The following TENT4B variants were observed in gnomAD, a reference collection of about 807,000 sequenced individuals.
TENT4B encodes the protein PAP associated domain containing 5.
In TENT4B, 10 loss-of-function variants were observed where a neutral mutation model predicts 75.0. The observed-to-expected ratio is 0.13, with a 90% CI of 0.08 to 0.23. The LOEUF (loss-of-function observed/expected upper bound fraction) is 0.23, where lower values mean the gene tolerates loss of function less well. Ranked by LOEUF, TENT4B falls within the 10% of genes least tolerant of loss-of-function variation. The pLI is 1.00. For missense variants in TENT4B, 579 were observed against 893.8 expected (o/e 0.65, Z 4.49); for synonymous variants, 350 against 357.7 (o/e 0.98, Z 0.24).
chr16:50,167,182 AAAAT>A (rs2038117523), intron 1 of TENT4B, among the ~76,000 whole-genome samples: 1 of 152,164 alleles, frequency 6.6e-6, no homozygotes. Context: ...GGCCACACAT[AAAAT>A]ACACTAACAG....
Position 50,206,908 on chromosome 16 carries a change from T to TG in TENT4B, c.639-4414dup, listed in dbSNP as rs1389503963. On this transcript the variant is annotated intron_variant, in intron 1 of 11. Transcript: ENST00000561678. ...CAGATCTTTCCTCAGAACAGAAGTT[T>TG]GTTTTTTTTTTTTAACCTAAATTAC... Among the ~76,000 whole-genome samples the TG allele has an allele frequency of 1.0e-3, 12 of 11,898 alleles. No homozygotes were observed. In the East Asian group the frequency reaches 0.011, roughly 11 times the overall value. The allele number at this position is 11,898 out of a possible 152,430, so 7.8% of individuals were successfully genotyped here.
At chr16:50,192,934 C>T (rs1249144947) in intron 1 of TENT4B, among the ~76,000 whole-genome samples, 1 of 152,076 alleles carries the variant, frequency 6.6e-6, no homozygotes, top group Non-Finnish European at 1.5e-5. Context: ...ATTAGCTGGG[C>T]ATGGTGTTAT....
chr16:50,220,261 T>C (rs1044453892), intron 5 of TENT4B, among the ~76,000 whole-genome samples: 5 of 152,036 alleles, frequency 3.3e-5, no homozygotes, highest in African/African-American at 1.2e-4. Context: ...GTGCTGGGAT[T>C]ACAGGCGTGA....
chr16:50,229,317 C>G lies in TENT4B; in HGVS notation c.2131C>G (p.Leu711Val), dbSNP rs775897113. Residue 711 changes from leucine to valine, a missense_variant, in exon 12 of 12, where the codon CTC (leucine) becomes GTC (valine). Leu to Val is a conservative substitution (Grantham distance 32). Coordinates refer to ENST00000561678, the MANE Select transcript of TENT4B (RefSeq NM_001365324.3). ...KHKRDAPLSD[L>V]CR is the part of the protein sequence containing the mutation. Reference sequence around the variant, plus strand: ...CAAGAGGGACGCGCCCCTCTCAGACCTCTGTAGATAGTCAGCGCTGCGCGG... The same window carrying G: ...CAAGAGGGACGCGCCCCTCTCAGACGTCTGTAGATAGTCAGCGCTGCGCGG... 7 of 1,612,490 alleles carry G rather than the reference C, an allele frequency of 4.3e-6. 1 individual carries two copies. Among genetic ancestry groups the G allele is most frequent in the Middle Eastern group, 1.7e-4 (1 of 6,032 alleles).
chr16:50,228,080 A>G, intron 11 of TENT4B, 77 bp downstream of exon 11: 1 of 1,512,090 alleles, frequency 6.6e-7, no homozygotes, highest in Non-Finnish European at 9.0e-7. Context: ...AATAATATGC[A>G]GCATGGGTTT....
At chr16:50,168,389 C>T (rs1304777835) in intron 1 of TENT4B, among the ~76,000 whole-genome samples, 1 of 151,832 alleles carries the variant, frequency 6.6e-6, no homozygotes, top group Non-Finnish European at 1.5e-5. Flanking sequence ...CAGCCTCTGC[C>T]TCCTGGTTTC....
intron 1 of TENT4B, among the ~76,000 whole-genome samples, chr16:50,164,889 C>CAA (rs1450126359): frequency 1.4e-5 from 2 of 142,068 alleles, no homozygotes. Flanking sequence ...CCGTCTCTAC[C>CAA]AAAAAAAAAA....
At chr16:50,198,749 G>A (rs1263742656) in intron 1 of TENT4B, among the ~76,000 whole-genome samples, 1 of 152,164 alleles carries the variant, frequency 6.6e-6, no homozygotes, top group Non-Finnish European at 1.5e-5. Flanking sequence ...GATGAGTTTG[G>A]AAGACGATTG....
At chr16:50,220,525 A>G (rs62028291) in intron 5 of TENT4B, among the ~76,000 whole-genome samples, 9,587 of 151,170 alleles carry the variant, frequency 0.063, 398 homozygotes, top group East Asian at 0.09. Flanking sequence ...TGACTTAACC[A>G]CCATGTTTTG....
intron 1 of TENT4B, among the ~76,000 whole-genome samples, chr16:50,183,112 C>T (rs982664764): frequency 1.3e-5 from 2 of 150,920 alleles, no homozygotes; most frequent in African/African-American, 2.4e-5. Flanking sequence ...GGCCCAATCT[C>T]GACTCACCGC....
At chr16:50,165,252 C>G (rs1164839675) in intron 1 of TENT4B, among the ~76,000 whole-genome samples, 1 of 150,744 alleles carries the variant, frequency 6.6e-6, no homozygotes, top group Non-Finnish European at 1.5e-5. Context: ...CTTAATTTAT[C>G]TTACCAATTT....
chr16:50,191,990 C>G (rs899678797), intron 1 of TENT4B, among the ~76,000 whole-genome samples: 4 of 152,064 alleles, frequency 2.6e-5, no homozygotes, highest in Non-Finnish European at 5.9e-5. Context: ...CGCTTGTAAT[C>G]CCAGTGCTTT....
chr16:50,199,086 GA>G (rs1714726801), intron 1 of TENT4B, among the ~76,000 whole-genome samples: 1 of 152,236 alleles, frequency 6.6e-6, no homozygotes, highest in Non-Finnish European at 1.5e-5. Context: ...TGTGCAGCCA[GA>G]GGAAAGGAGG....
At chr16:50,211,297 ATTAAC>A (rs1306450665) in intron 1 of TENT4B, 21 bp from the exon 2 acceptor site, 2 of 1,594,276 alleles carry the variant, frequency 1.3e-6, no homozygotes, top group Non-Finnish European at 1.7e-6. Flanking sequence ...CCCTGTTCAT[ATTAAC>A]TTTTCTGTTT....
Position 50,153,940 on chromosome 16 carries a change from G to A in TENT4B, c.319G>A (p.Glu107Lys), listed in dbSNP as rs1230844323. 2.0e-6 allele frequency: 3 copies of A among 1,533,596 alleles called. No individual in the cohort carries two copies. Among genetic ancestry groups the A allele is most frequent in the Admixed American group, 2.0e-5 (1 of 50,880 alleles). 95.0% of individuals were successfully genotyped at this position (1,533,596 alleles called of 1,614,324 possible). ...PAEQRDFLPL[E>K]TTNNNNNHHQ... ...GGAGCAGCGGGACTTCCTGCCCCTA[G>A]AGACGACCAACAACAACAACAACCA... Residue 107 changes from glutamate (E) to lysine (K), a missense_variant, in exon 1 of 12, where the codon GAG becomes AAG. Physicochemically the swap from Glu to Lys is moderately conservative, Grantham distance 56 (BLOSUM62 1). Around this residue, in one of 7 missense-constraint regions of TENT4B, gnomAD observed 253 missense variants for 270.1 expected, o/e 0.94. Transcript: ENST00000561678.
chr16:50,200,891 G>T (rs1461191825), intron 1 of TENT4B, among the ~76,000 whole-genome samples: 1 of 151,704 alleles, frequency 6.6e-6, no homozygotes, highest in South Asian at 2.1e-4. Context: ...ACTTCTCCCA[G>T]CCTCAAGCAA....
In TENT4B at chr16:50,171,502, G is replaced by T. The variant is rs74683046; in HGVS notation, c.638+17243G>T. Among the ~76,000 whole-genome samples the T allele has an allele frequency of 6.0e-3, 920 of 152,208 alleles. 9 individuals carry two copies. The highest frequency in any genetic ancestry group is 0.021 in the African/African-American group (884 of 41,504). On this transcript the variant is annotated intron_variant, in intron 1 of 11. Coordinates refer to ENST00000561678, the MANE Select transcript of TENT4B (RefSeq NM_001365324.3). ...GGATCACAGATGAGGGGGCTATTTC[G>T]TCCTAATAAGGGCCTTGGTCTCCCA...
intron 1 of TENT4B, among the ~76,000 whole-genome samples, chr16:50,166,444 T>TA (rs980791060): frequency 1.2e-4 from 19 of 152,346 alleles, no homozygotes; most frequent in African/African-American, 4.6e-4. Context: ...ATGAAGTAAG[T>TA]GTGTCATTTG....
chr16:50,196,361 G>C (rs1027726070), intron 1 of TENT4B, among the ~76,000 whole-genome samples: 1 of 151,868 alleles, frequency 6.6e-6, no homozygotes, highest in African/African-American at 2.4e-5. Context: ...TGAAAAAAAA[G>C]ATTTATTATA....
Sources: allele counts gnomAD v4.1 joint callset (sites outside exome capture counted in the v4.1 genomes callset), GRCh38; gene constraint gnomAD v4.1.1; regional missense constraint gnomAD v4.1.1; transcripts MANE v1.5; gene names NCBI Gene and HGNC (gene_info 2026-07-23, HGNC 2026-07-21).